Variants in C19orf47 observed in about 807,000 individuals in gnomAD.
The protein encoded by C19orf47 is uncharacterized protein C19orf47.
C19orf47 carries 18 observed loss-of-function variants against 32.3 expected under a neutral mutation model. That is an observed-to-expected ratio of 0.56 (90% CI 0.39 to 0.83). The LOEUF is 0.83. Ranked by LOEUF, C19orf47 falls within the 40% of genes least tolerant of loss-of-function variation. The pLI is 0.00. For synonymous variants in C19orf47, 202 were observed against 211.1 expected, an observed-to-expected ratio of 0.96 and a Z score of 0.37; for missense variants, 484 against 531.6, an observed-to-expected ratio of 0.91 and a Z score of 0.88.
intron 1 of C19orf47, among the ~76,000 whole-genome samples, chr19:40,345,848 C>CAAAAAAAAAAAAAA (rs35848570): frequency 1.3e-5 from 1 of 75,242 alleles, no homozygotes; most frequent in Non-Finnish European, 2.4e-5. Context: ...GACTCAGTCT[C>CAAAAAAAAAAAAAA]AAAAAAAAAA....
the C19orf47 span, among the ~76,000 whole-genome samples, chr19:40,306,729 A>C: frequency 2.0e-5 from 3 of 151,720 alleles, no homozygotes; most frequent in African/African-American, 7.3e-5. Context: ...AAAGTTTACA[A>C]TTATACTAAA....
At chr19:40,317,417 G>C (rs969641188), downstream of C19orf47, among the ~76,000 whole-genome samples, 1 of 152,034 alleles carries the variant, frequency 6.6e-6, no homozygotes, top group African/African-American at 2.4e-5. Context: ...AACATAGAAA[G>C]ACCCTGTCTC....
chr19:40,304,606 G>A, the C19orf47 span, among the ~76,000 whole-genome samples: 6 of 152,200 alleles, frequency 3.9e-5, no homozygotes, highest in Admixed American at 1.3e-4. Context: ...CCTAGAAGCC[G>A]CAAGCCCCTC....
the C19orf47 span, among the ~76,000 whole-genome samples, chr19:40,304,725 T>G: frequency 6.6e-6 from 1 of 152,138 alleles, no homozygotes; most frequent in Non-Finnish European, 1.5e-5. Context: ...AATGAGTTTT[T>G]TTCTACTGTT....
At chr19:40,302,140 G>A in the C19orf47 span, among the ~76,000 whole-genome samples, 7 of 152,244 alleles carry the variant, frequency 4.6e-5, no homozygotes, top group South Asian at 8.3e-4. Context: ...CAGCCTAGGC[G>A]ACAGAACAAG....
chr19:40,312,863 C>T, the C19orf47 span, among the ~76,000 whole-genome samples: 1 of 152,210 alleles, frequency 6.6e-6, no homozygotes, highest in African/African-American at 2.4e-5. Context: ...TTAATTTAAG[C>T]CACTAAGTTT....
At chr19:40,313,484 C>T in the C19orf47 span, among the ~76,000 whole-genome samples, 1 of 152,010 alleles carries the variant, frequency 6.6e-6, no homozygotes, top group South Asian at 2.1e-4. Context: ...GCCACCACGC[C>T]GAGCTAATTT....
chr19:40,307,621 C>T, the C19orf47 span, among the ~76,000 whole-genome samples: 1 of 152,146 alleles, frequency 6.6e-6, no homozygotes, highest in African/African-American at 2.4e-5. Context: ...CTCAAGCAAT[C>T]CACCTGCCTC....
At chr19:40,304,063 T>C in the C19orf47 span, among the ~76,000 whole-genome samples, 1 of 152,172 alleles carries the variant, frequency 6.6e-6, no homozygotes, top group African/African-American at 2.4e-5. Flanking sequence ...CTGACTGTGA[T>C]GGCAGCCCAC....
At chr19:40,330,827 C>T (rs907470636) in intron 5 of C19orf47, among the ~76,000 whole-genome samples, 6 of 152,108 alleles carry the variant, frequency 3.9e-5, no homozygotes, top group African/African-American at 1.4e-4. Context: ...CCCAGCTGAA[C>T]ATTTCATTTA....
At chr19:40,323,910 G>A in intron 8 of C19orf47, 96 bp downstream of exon 8, 2 of 1,481,726 alleles carry the variant, frequency 1.3e-6, no homozygotes, top group Non-Finnish European at 1.9e-6. Flanking sequence ...GACGGCCCTG[G>A]GCCGAGTGAG....
At chr19:40,313,613 C>T in the C19orf47 span, among the ~76,000 whole-genome samples, 9 of 152,348 alleles carry the variant, frequency 5.9e-5, no homozygotes, top group Admixed American at 1.3e-4. Context: ...GCATGAGCCA[C>T]CATGCCCAGC....
chr19:40,341,839 C>A lies in C19orf47; in HGVS notation c.19G>T (p.Ala7Ser). 6.5e-7 allele frequency: 1 copy of A among 1,536,136 alleles called. No homozygotes were observed. Among genetic ancestry groups the A allele is most frequent in the Non-Finnish European group, 8.7e-7 (1 of 1,146,914 alleles). Reference protein sequence around the residue: MVSVTMATSEWIQFFKE... With the variant: MVSVTMSTSEWIQFFKE... ...CCTGGAGAGAAGGCCACAGACTCAC[C>A]CATAGTCACGGAGACCATCGTCTCC... is the stretch of plus-strand genomic sequence containing the variant. The change falls in exon 2 of 9, where the codon GCC becomes TCC. Residue 7 changes from alanine to serine, a missense_variant and splice_region_variant. This residue lies in a region of C19orf47 where 57 missense variants were observed against 86.9 expected (regional missense o/e 0.66). Transcript: ENST00000683109.
chr19:40,327,971 C>A (rs1484428578), intron 6 of C19orf47, among the ~76,000 whole-genome samples: 1 of 152,152 alleles, frequency 6.6e-6, no homozygotes, highest in Non-Finnish European at 1.5e-5. Context: ...AGAGTTACAG[C>A]CCAGGGGGTT....
In C19orf47 at chr19:40,341,849, G is replaced by A. The variant is rs1239267322; in HGVS notation, c.9C>T (p.Ser3=). 18 of 1,536,056 alleles carry A rather than the reference G, an allele frequency of 1.2e-5. No individual in the cohort carries two copies. In the East Asian group the frequency reaches 2.2e-4, roughly 19 times the overall value. The change falls in exon 2 of 9, where the codon TCC becomes TCT. Residue 3 remains serine (S), a synonymous_variant. Transcript: ENST00000683109. ...AGGCCACAGACTCACCCATAGTCAC[G>A]GAGACCATCGTCTCCCTGGCCCTGA... The part of the protein sequence containing the change: MV[S]VTMATSEWIQ...
chr19:40,308,319 C>T, the C19orf47 span, among the ~76,000 whole-genome samples: 6 of 151,810 alleles, frequency 4.0e-5, no homozygotes, highest in Admixed American at 3.9e-4. Context: ...CCACACCCGG[C>T]TAATTTTCTG....
chr19:40,295,856 C>T, the C19orf47 span, among the ~76,000 whole-genome samples: 1 of 152,182 alleles, frequency 6.6e-6, no homozygotes, highest in African/African-American at 2.4e-5. Context: ...AAGTGATCCT[C>T]CCACCTCAAC....
At chr19:40,333,274 A>AAAATAAATAAAT (rs61342452) in intron 5 of C19orf47, among the ~76,000 whole-genome samples, 14,120 of 142,748 alleles carry the variant, frequency 0.099, 818 homozygotes, top group African/African-American at 0.14. Flanking sequence ...AATAAATAAG[A>AAAATAAATAAAT]AAATAAATAA....
the C19orf47 span, among the ~76,000 whole-genome samples, chr19:40,302,177 G>T: frequency 1.3e-5 from 2 of 152,070 alleles, no homozygotes; most frequent in Non-Finnish European, 2.9e-5. Flanking sequence ...GCAAAAAAAA[G>T]AATCTTTACA....
Sources: allele counts gnomAD v4.1 joint callset (sites outside exome capture counted in the v4.1 genomes callset), GRCh38; gene constraint gnomAD v4.1.1; regional missense constraint gnomAD v4.1.1; transcripts MANE v1.5; gene names NCBI Gene and HGNC (gene_info 2026-07-23, HGNC 2026-07-21).